Variants in INTS7 observed in about 807,000 individuals in gnomAD.
INTS7 encodes integrator complex subunit 7.
INTS7 carries 46 observed loss-of-function variants against 109.2 expected under a neutral mutation model. The observed-to-expected ratio is 0.42, with a 90% CI of 0.33 to 0.54. The LOEUF is 0.54. Ranked by LOEUF, INTS7 falls within the 20% of genes least tolerant of loss-of-function variation. INTS7 has a pLI of 0.07. For missense variants in INTS7, 929 were observed against 1,132.4 expected (o/e 0.82, Z 2.58); for synonymous variants, 412 against 402.9 (o/e 1.02, Z -0.27).
chr1:211,960,972 G>A (rs546185967), intron 16 of INTS7, among the ~76,000 whole-genome samples: 2 of 151,550 alleles, frequency 1.3e-5, no homozygotes, highest in East Asian at 1.9e-4. Context: ...CTGAGATCGC[G>A]CCACTGCACT....
intron 16 of INTS7, among the ~76,000 whole-genome samples, chr1:211,954,784 GT>G (rs1663285827): frequency 6.6e-6 from 1 of 152,220 alleles, no homozygotes; most frequent in South Asian, 2.1e-4. Context: ...GTACCATGCT[GT>G]TTTGGTTACT....
chr1:211,948,975 GATT>G (rs1662966093), intron 17 of INTS7, among the ~76,000 whole-genome samples: 3 of 152,252 alleles, frequency 2.0e-5, no homozygotes, highest in African/African-American at 7.2e-5. Context: ...AAAGTGCTGG[GATT>G]ATGGGCATAA....
chr1:212,001,063 CCTTT>C (rs1001185105), intron 7 of INTS7, among the ~76,000 whole-genome samples: 8 of 117,382 alleles, frequency 6.8e-5, no homozygotes, highest in Admixed American at 2.0e-4. Flanking sequence ...GGGCAGAATT[CCTTT>C]TTTTTTTTTT....
intron 16 of INTS7, among the ~76,000 whole-genome samples, chr1:211,960,288 TAA>T (rs879717277): frequency 6.9e-6 from 1 of 145,224 alleles, no homozygotes; most frequent in Admixed American, 6.8e-5. Flanking sequence ...CAAATAGGAT[TAA>T]AAAAAAAAAC....
intron 9 of INTS7, 38 bp downstream of exon 9, chr1:211,982,638 C>A: frequency 2.7e-6 from 4 of 1,497,006 alleles, no homozygotes; most frequent in Non-Finnish European, 3.6e-6. Flanking sequence ...AGGTCTAAAC[C>A]AAAGTTTATA....
At chr1:211,957,700 T>C (rs951128112) in intron 16 of INTS7, among the ~76,000 whole-genome samples, 10 of 152,198 alleles carry the variant, frequency 6.6e-5, no homozygotes, top group African/African-American at 2.4e-4. Context: ...CAAAAGCAGA[T>C]TTAAAAGTTT....
At position 212,035,324 on chromosome 1, in the gene INTS7, C is replaced by A. The variant is rs776498269; in HGVS notation, c.94+20G>T. ...TCCCCCCACGCCTGTTTCACCCATT[C>A]AGCCCTCTCTTTCGAATACCTTTGT... On this transcript the variant is annotated intron_variant, in intron 1 of 19. Coordinates refer to ENST00000366994, the MANE Select transcript of INTS7 (RefSeq NM_015434.4). 7 of 1,542,716 alleles carry A rather than the reference C, an allele frequency of 4.5e-6. No homozygotes were observed. The highest frequency in any genetic ancestry group is 6.3e-6 in the Non-Finnish European group (7 of 1,114,996).
intron 1 of INTS7, among the ~76,000 whole-genome samples, chr1:212,030,114 C>T (rs1278387047): frequency 2.0e-5 from 3 of 152,106 alleles, no homozygotes; most frequent in Non-Finnish European, 4.4e-5. Flanking sequence ...ACCCACTTTG[C>T]AAATTCCAAG....
At chr1:211,952,804 TA>T (rs1397591995) in intron 16 of INTS7, 103 bp from the exon 17 acceptor site, 3 of 1,101,796 alleles carry the variant, frequency 2.7e-6, no homozygotes, top group Non-Finnish European at 3.9e-6. Flanking sequence ...ATTTTTAAAA[TA>T]ATGAAGTTAT....
At chr1:212,010,546 T>C (rs983540923) in intron 5 of INTS7, among the ~76,000 whole-genome samples, 13 of 152,156 alleles carry the variant, frequency 8.5e-5, no homozygotes, top group South Asian at 6.2e-4. Flanking sequence ...ACACTAATCA[T>C]GCCCCCCATA....
At chr1:211,997,099 G>A (rs1164701772) in intron 7 of INTS7, among the ~76,000 whole-genome samples, 1 of 152,054 alleles carries the variant, frequency 6.6e-6, no homozygotes, top group East Asian at 1.9e-4. Flanking sequence ...ACAGTGTATA[G>A]TGCTTGGGTC....
intron 4 of INTS7, among the ~76,000 whole-genome samples, chr1:212,015,903 T>C (rs1432489308): frequency 6.6e-6 from 1 of 152,004 alleles, no homozygotes; most frequent in Non-Finnish European, 1.5e-5. Flanking sequence ...AGTCTTTTTT[T>C]CTATTGCATA....
Position 212,035,402 on chromosome 1 carries a change from A to C in INTS7, c.36T>G (p.Asp12Glu). ...CCAGTTCCTGTTCGCCATAGCCGGCATCTGCCAGGAAAGACTTAGTTGAGT... is the reference window on the plus strand; with the variant it reads ...CCAGTTCCTGTTCGCCATAGCCGGCCTCTGCCAGGAAAGACTTAGTTGAGT... ...ASNSTKSFLADAGYGEQELDA... is the reference protein window; with the variant it reads ...ASNSTKSFLAEAGYGEQELDA... The change falls in exon 1 of 20, where the codon GAT becomes GAG. Residue 12 changes from aspartate (D) to glutamate (E), a missense_variant. Physicochemically the swap from Asp to Glu is conservative, Grantham distance 45 (BLOSUM62 2). Coordinates refer to ENST00000366994, the MANE Select transcript of INTS7 (RefSeq NM_015434.4). The C allele has an allele frequency of 6.2e-7, 1 of 1,614,084 alleles. No individual in the cohort carries two copies. The highest frequency in any genetic ancestry group is 8.5e-7 in the Non-Finnish European group (1 of 1,179,888).
intron 7 of INTS7, among the ~76,000 whole-genome samples, chr1:211,999,451 G>A (rs144794922): frequency 6.6e-6 from 1 of 152,282 alleles, no homozygotes; most frequent in African/African-American, 2.4e-5. Flanking sequence ...GTCAGGGGTT[G>A]GGGAAAGGAC....
In INTS7 at chr1:211,942,679, A is replaced by G. The variant is rs548173850; in HGVS notation, c.2602-568T>C. Among the ~76,000 whole-genome samples the G allele has an allele frequency of 2.0e-5, 3 of 152,338 alleles. No individual in the cohort carries two copies. The East Asian group carries it at 5.8e-4, about 29-fold the overall frequency. ...AACAAATTAACTGAACCATTTGTAC[A>G]TTGCTCATTTAATAAGCACTGTTTT... On this transcript the variant is annotated intron_variant, in intron 19 of 19. Coordinates refer to ENST00000366994, the MANE Select transcript of INTS7 (RefSeq NM_015434.4). The surrounding 1 kb of genome is among the most constrained non-coding windows in gnomAD (Gnocchi z 4.2).
At chr1:211,993,407 C>CGGCA (rs1454754665) in intron 7 of INTS7, among the ~76,000 whole-genome samples, 2 of 152,156 alleles carry the variant, frequency 1.3e-5, no homozygotes, top group Non-Finnish European at 2.9e-5. Context: ...AGGCCAGGTG[C>CGGCA]GGCAGCTCAC....
intron 12 of INTS7, among the ~76,000 whole-genome samples, chr1:211,976,002 G>A (rs900901207): frequency 5.9e-5 from 9 of 151,762 alleles, no homozygotes; most frequent in Admixed American, 3.3e-4. Context: ...CTTTTACTAT[G>A]TCAGCCAGGC....
intron 4 of INTS7, among the ~76,000 whole-genome samples, chr1:212,014,465 C>CA (rs1165612101): frequency 0.39 from 10,911 of 27,788 alleles, 2,609 homozygotes; most frequent in Non-Finnish European, 0.49. Flanking sequence ...AACTCCATCT[C>CA]AAAAAAAAAA....
intron 13 of INTS7, among the ~76,000 whole-genome samples, chr1:211,971,859 T>G (rs1664185126): frequency 7.6e-6 from 1 of 131,290 alleles, no homozygotes; most frequent in African/African-American, 2.9e-5. Context: ...GAGGTTGCAG[T>G]GAGCCAAGAT....
Sources: allele counts gnomAD v4.1 joint callset (sites outside exome capture counted in the v4.1 genomes callset), GRCh38; gene constraint gnomAD v4.1.1; non-coding constraint Gnocchi (gnomAD v3.1); transcripts MANE v1.5; gene names NCBI Gene and HGNC (gene_info 2026-07-23, HGNC 2026-07-21).